KIF13B: variants seen among roughly 807,000 people sequenced by gnomAD.
The protein encoded by KIF13B is kinesin-like protein KIF13B.
Under a neutral mutation model 222.0 loss-of-function variants are expected in KIF13B, and 127 were observed. That is an observed-to-expected ratio of 0.57 (90% CI 0.50 to 0.66). KIF13B has a LOEUF of 0.66. KIF13B is among the 30% of genes least tolerant of loss of function. KIF13B has a pLI of 0.00. For missense variants in KIF13B, 2,173 were observed against 2,379.0 expected (o/e 0.91, Z 1.80); for synonymous variants, 976 against 919.0 (o/e 1.06, Z -1.12).
At chr8:29,117,610 C>A (rs1809663402) in intron 30 of KIF13B, among the ~76,000 whole-genome samples, 2 of 152,148 alleles carry the variant, frequency 1.3e-5, no homozygotes, top group Non-Finnish European at 2.9e-5. Context: ...GCCCACTATT[C>A]TACAGAATGC....
intron 29 of KIF13B, among the ~76,000 whole-genome samples, chr8:29,119,491 G>A (rs1179487271): frequency 6.6e-6 from 1 of 152,160 alleles, no homozygotes; most frequent in African/African-American, 2.4e-5. Flanking sequence ...TGGAGCTCGT[G>A]GGCAGACATC....
Position 29,071,647 on chromosome 8 carries a change from C to T in KIF13B, c.5191G>A (p.Val1731Ile). Residue 1731 changes from valine (V) to isoleucine (I), a missense_variant, in exon 39 of 40, where the codon GTC becomes ATC. This residue lies in a region of KIF13B where 693 missense variants were observed against 656.2 expected (regional missense o/e 1.06). Transcript: ENST00000524189. This position sits in a 1 kb window ranked among gnomAD's most constrained non-coding sequence, Gnocchi z 4.9. Reference sequence around the variant, plus strand: ...GAGGGCAGGTCGAGCTCCACGCCGACCCACGTGCCCTCTTGGAAGTCGGCA... The same window carrying T: ...GAGGGCAGGTCGAGCTCCACGCCGATCCACGTGCCCTCTTGGAAGTCGGCA... ...GPADFQEGTW[V>I]GVELDLPSGK... 1 of 1,554,856 alleles carries T rather than the reference C, an allele frequency of 6.4e-7. No individual in the cohort carries two copies. Among genetic ancestry groups the T allele is most frequent in the Non-Finnish European group, 8.7e-7 (1 of 1,149,810 alleles).
intron 2 of KIF13B, among the ~76,000 whole-genome samples, chr8:29,216,092 T>A (rs571489162): frequency 3.3e-5 from 5 of 152,294 alleles, no homozygotes; most frequent in African/African-American, 1.2e-4. Context: ...ATTTTTTAAG[T>A]CTCTATTTTT....
chr8:29,170,674 A>C (rs138771311), intron 10 of KIF13B, among the ~76,000 whole-genome samples: 1 of 152,172 alleles, frequency 6.6e-6, no homozygotes, highest in Admixed American at 6.5e-5. Flanking sequence ...GCAAGACAAC[A>C]CTCATCACTT....
rs566464701 is a variant in KIF13B, at chr8:29,141,098, C to T, written c.2335-481G>A. ...CCTATAATCCCAGCACTTTGGGAGG[C>T]CAAGGCAGGCGGGTCACCTGAGGTC... On this transcript the variant is annotated intron_variant, in intron 19 of 39. Transcript: ENST00000524189. Among the ~76,000 whole-genome samples, 15 of 152,270 alleles carry T rather than the reference C, an allele frequency of 9.9e-5. No individual in the cohort carries two copies. In the East Asian group the frequency reaches 2.1e-3, roughly 22 times the overall value.
At chr8:29,153,249 A>G (rs1234482091) in intron 14 of KIF13B, among the ~76,000 whole-genome samples, 1 of 152,248 alleles carries the variant, frequency 6.6e-6, no homozygotes, top group African/African-American at 2.4e-5. Context: ...GTAGCAATAT[A>G]CAACAAAAAC....
chr8:29,249,978 A>G, intron 1 of KIF13B: 31 of 1,261,280 alleles, frequency 2.5e-5, no homozygotes, highest in Non-Finnish European at 3.1e-5. Flanking sequence ...CAAACATGCA[A>G]TTTTACCTCT....
chr8:29,171,780 T>A lies in KIF13B; in HGVS notation c.946-4195A>T, dbSNP rs866807918. On this transcript the variant is annotated intron_variant, in intron 10 of 39. Transcript: ENST00000524189. The stretch of plus-strand genomic sequence containing the variant: ...TCTTCTTTTTTTTTTTTTTTTGAGA[T>A]GGAGTCTCACTCTGTCGCCCAGGCT... 3.0e-3 allele frequency among the ~76,000 whole-genome samples: 436 copies of A among 144,672 alleles called. 2 individuals are homozygous for A. Among genetic ancestry groups the A allele is most frequent in the African/African-American group, 0.011 (412 of 38,092 alleles). 94.9% of individuals were successfully genotyped at this position (144,672 alleles called of 152,430 possible). A position where few individuals can be genotyped will look rare whatever the true frequency, so the allele number is the denominator to read the frequency against.
In KIF13B at chr8:29,070,263, G is replaced by A. The variant is rs907012104; in HGVS notation, c.*241C>T. On this transcript the variant is annotated 3_prime_UTR_variant, in exon 40 of 40. Transcript: ENST00000524189. The surrounding 1 kb of genome is among the most constrained non-coding windows in gnomAD (Gnocchi z 4.1). The stretch of plus-strand genomic sequence containing the variant: ...AGTCCTAGCATCCCCCAGCCCCTGC[G>A]GGCACCCAGAACCTTCCATCCACCT... 7.1e-6 allele frequency: 4 copies of A among 566,216 alleles called. No homozygotes were observed. Among genetic ancestry groups the A allele is most frequent in the East Asian group, 3.1e-5 (1 of 31,920 alleles). The allele number at this position is 566,216 out of a possible 1,614,324, so 35.1% of individuals were successfully genotyped here.
Position 29,147,598 on chromosome 8 carries a change from C to A in KIF13B, c.1818G>T (p.Pro606=). The A allele has an allele frequency of 6.2e-7, 1 of 1,607,490 alleles. No individual in the cohort carries two copies. Among genetic ancestry groups the A allele is most frequent in the South Asian group, 1.1e-5 (1 of 90,900 alleles). The change falls in exon 17 of 40, where the codon CCG becomes CCT. Residue 606 remains proline, a synonymous_variant. Coordinates refer to ENST00000524189, the MANE Select transcript of KIF13B (RefSeq NM_015254.4). Reference sequence around the variant, plus strand: ...CTAAGCTGTTTAATATGGACTGCATCGGATCTAAACACATTTTTAAAAAAG... The same window carrying A: ...CTAAGCTGTTTAATATGGACTGCATAGGATCTAAACACATTTTTAAAAAAG... The part of the protein sequence containing the change: ...VTMKALGSND[P]MQSILNSLEQ...
intron 35 of KIF13B, among the ~76,000 whole-genome samples, chr8:29,102,766 AACCATCACG>A (rs1808854960): frequency 6.6e-6 from 1 of 152,208 alleles, no homozygotes; most frequent in African/African-American, 2.4e-5. Context: ...GGCTGCGTGA[AACCATCACG>A]GCTTTCAGGA....
intron 12 of KIF13B, among the ~76,000 whole-genome samples, chr8:29,164,857 T>C (rs1263015928): frequency 2.0e-5 from 3 of 152,118 alleles, no homozygotes; most frequent in South Asian, 4.1e-4. Context: ...ACGTGTTTTT[T>C]TTTTTTTTTA....
chr8:29,243,609 T>C (rs1387130876), intron 2 of KIF13B, among the ~76,000 whole-genome samples: 6 of 150,186 alleles, frequency 4.0e-5, no homozygotes, highest in Non-Finnish European at 4.4e-5. Context: ...TGAGCCGAGA[T>C]GGCACCCCTG....
intron 6 of KIF13B, among the ~76,000 whole-genome samples, chr8:29,183,169 T>TTG (rs1491301017): frequency 3.1e-4 from 12 of 38,680 alleles, no homozygotes; most frequent in African/African-American, 3.4e-4. Context: ...TTAAAGTTTG[T>TTG]TTTTTTTTTT....
At chr8:29,169,331 A>G (rs1812139300) in intron 10 of KIF13B, among the ~76,000 whole-genome samples, 1 of 152,188 alleles carries the variant, frequency 6.6e-6, no homozygotes, top group African/African-American at 2.4e-5. Context: ...AAGTTGAACA[A>G]TATCCTAGCC....
chr8:29,069,238 G>A lies in KIF13B; in HGVS notation c.*1266C>T, dbSNP rs1807137503. The A allele has an allele frequency of 6.6e-6, 1 of 152,250 alleles. No homozygotes were observed. The allele number at this position is 152,250 out of a possible 1,614,324, so 9.4% of individuals were successfully genotyped here. A position where few individuals can be genotyped will look rare whatever the true frequency, so the allele number is the denominator to read the frequency against. ...GGCACCAAAGGCTCTGGGAGCATAA[G>A]TGCCCCAGCCAGGAGGTGGAGGCCA... is the stretch of plus-strand genomic sequence containing the variant. On this transcript the variant is annotated 3_prime_UTR_variant, in exon 40 of 40. Transcript: ENST00000524189.
Position 29,179,493 on chromosome 8 carries a change from G to A in KIF13B, c.720+611C>T, listed in dbSNP as rs141711285. On this transcript the variant is annotated intron_variant, in intron 8 of 39. Coordinates refer to ENST00000524189, the MANE Select transcript of KIF13B (RefSeq NM_015254.4). ...TCAAAAACTGCTGGGGCAGACAGTG[G>A]GCCATCGGTGCACTTAACTTCTGCT... Among the ~76,000 whole-genome samples the A allele has an allele frequency of 3.7e-3, 565 of 152,310 alleles. 1 individual carries two copies. Among genetic ancestry groups the A allele is most frequent in the Non-Finnish European group, 6.8e-3 (465 of 68,020 alleles).
intron 1 of KIF13B, among the ~76,000 whole-genome samples, chr8:29,255,199 G>A (rs542351318): frequency 5.6e-4 from 86 of 152,258 alleles, no homozygotes; most frequent in African/African-American, 2.0e-3. Flanking sequence ...AAATGTTCTG[G>A]AATTGTATAC....
At chr8:29,205,614 C>A (rs1313359097) in intron 2 of KIF13B, among the ~76,000 whole-genome samples, 1 of 152,130 alleles carries the variant, frequency 6.6e-6, no homozygotes, top group Non-Finnish European at 1.5e-5. Context: ...CTTTAAGATT[C>A]CAAAACCTAA....
Sources: allele counts gnomAD v4.1 joint callset (sites outside exome capture counted in the v4.1 genomes callset), GRCh38; gene constraint gnomAD v4.1.1; regional missense constraint gnomAD v4.1.1; non-coding constraint Gnocchi (gnomAD v3.1); transcripts MANE v1.5; gene names NCBI Gene and HGNC (gene_info 2026-07-23, HGNC 2026-07-21).